MAD1L1: variants seen among roughly 807,000 people sequenced by gnomAD.
MAD1L1 encodes mitotic spindle assembly checkpoint protein MAD1.
In MAD1L1, 95 loss-of-function variants were observed where a neutral mutation model predicts 96.9. That is an observed-to-expected ratio of 0.98 (90% CI 0.83 to 1.16). MAD1L1 has a LOEUF of 1.16. Ranked by LOEUF, MAD1L1 falls within the 50% of genes most tolerant of loss-of-function variation. The pLI is 0.00. For synonymous variants in MAD1L1, 473 were observed against 396.6 expected (o/e 1.19, Z -2.29); for missense variants, 1,007 against 954.4 (o/e 1.06, Z -0.73).
At chr7:1,966,595 A>G (rs1780179023) in intron 15 of MAD1L1, among the ~76,000 whole-genome samples, 1 of 149,534 alleles carries the variant, frequency 6.7e-6, no homozygotes, top group Non-Finnish European at 1.5e-5. Context: ...ATCCCTAGAG[A>G]TTCAAGAAGC....
At chr7:2,056,070 G>A (rs956752914) in intron 12 of MAD1L1, among the ~76,000 whole-genome samples, 14 of 152,330 alleles carry the variant, frequency 9.2e-5, no homozygotes, top group South Asian at 8.3e-4. Context: ...CTTAAGCCTC[G>A]ACTTGCTGGG....
chr7:2,145,722 G>T (rs7811807), intron 11 of MAD1L1, among the ~76,000 whole-genome samples: 13,522 of 152,158 alleles, frequency 0.089, 1,161 homozygotes, highest in African/African-American at 0.22. Context: ...CTCCCTGGGC[G>T]GCCTTCCCTA....
At chr7:2,091,374 G>C (rs961343187) in intron 11 of MAD1L1, among the ~76,000 whole-genome samples, 9 of 152,182 alleles carry the variant, frequency 5.9e-5, no homozygotes, top group South Asian at 4.1e-4. Context: ...ATACACAGAC[G>C]CATCTGCCTG....
intron 11 of MAD1L1, among the ~76,000 whole-genome samples, chr7:2,070,706 T>C (rs1314302712): frequency 6.6e-6 from 1 of 152,082 alleles, no homozygotes; most frequent in Non-Finnish European, 1.5e-5. Context: ...AACACAGCAC[T>C]GGGATAGAGA....
intron 17 of MAD1L1, among the ~76,000 whole-genome samples, chr7:1,910,404 C>G (rs1169345624): frequency 6.6e-6 from 1 of 152,240 alleles, no homozygotes; most frequent in East Asian, 1.9e-4. Context: ...ACAGGGAGGG[C>G]TGGTCGCAGC....
chr7:1,910,981 G>A (rs76626455), intron 17 of MAD1L1, among the ~76,000 whole-genome samples: 2 of 151,662 alleles, frequency 1.3e-5, no homozygotes, highest in African/African-American at 4.8e-5. Flanking sequence ...GGCCCTGGCG[G>A]GGCCTGGTCT....
chr7:2,105,994 T>TACGGCCCCGCCCCTGCCCCACAC (rs1787072159), intron 11 of MAD1L1, among the ~76,000 whole-genome samples: 1 of 91,246 alleles, frequency 1.1e-5, no homozygotes, highest in African/African-American at 5.2e-5. Flanking sequence ...CTGCCCCACA[T>TACGGCCCCGCCCCTGCCCCACAC]ATGGCCCCGC....
At chr7:2,137,192 G>A (rs1788794810) in intron 11 of MAD1L1, among the ~76,000 whole-genome samples, 1 of 152,138 alleles carries the variant, frequency 6.6e-6, no homozygotes, top group African/African-American at 2.4e-5. Context: ...CCCCAGCAAG[G>A]GCCCTTCTCC....
intron 11 of MAD1L1, among the ~76,000 whole-genome samples, chr7:2,073,610 C>T (rs1008211413): frequency 3.3e-5 from 5 of 152,080 alleles, no homozygotes; most frequent in Admixed American, 2.6e-4. Flanking sequence ...TGTCAAGCAT[C>T]GAGCAGCTGA....
At chr7:2,122,005 G>A (rs1268115879) in intron 11 of MAD1L1, among the ~76,000 whole-genome samples, 1 of 152,230 alleles carries the variant, frequency 6.6e-6, no homozygotes, top group Non-Finnish European at 1.5e-5. Flanking sequence ...GTTAAAAGTA[G>A]CTTCTGGGGT....
chr7:2,138,389 T>C (rs1788861496), intron 11 of MAD1L1, among the ~76,000 whole-genome samples: 1 of 152,128 alleles, frequency 6.6e-6, no homozygotes, highest in Admixed American at 6.5e-5. Flanking sequence ...CTCAGCCTAA[T>C]GAAATGAGGC....
intron 10 of MAD1L1, among the ~76,000 whole-genome samples, chr7:2,156,970 T>A (rs1789880714): frequency 1.3e-5 from 2 of 152,166 alleles, no homozygotes; most frequent in Admixed American, 6.5e-5. Flanking sequence ...ACCACACGTG[T>A]GACAGAGAAA....
intron 10 of MAD1L1, among the ~76,000 whole-genome samples, chr7:2,198,353 T>G (rs1792101838): frequency 6.6e-6 from 1 of 152,118 alleles, no homozygotes; most frequent in African/African-American, 2.4e-5. Context: ...GAGCCCGCCT[T>G]TGCTTCTGCC....
intron 17 of MAD1L1, among the ~76,000 whole-genome samples, chr7:1,935,224 C>A (rs1288782679): frequency 6.6e-6 from 1 of 152,270 alleles, no homozygotes; most frequent in South Asian, 2.1e-4. Flanking sequence ...ATAACACCTG[C>A]AGAATGCAGG....
chr7:2,155,195 G>C (rs1012218895), intron 10 of MAD1L1, among the ~76,000 whole-genome samples: 1 of 152,118 alleles, frequency 6.6e-6, no homozygotes, highest in Admixed American at 6.5e-5. Context: ...CCTCAGGCCT[G>C]ACCTGCTGAC....
At chr7:2,101,317 T>G (rs112367223) in intron 11 of MAD1L1, among the ~76,000 whole-genome samples, 9 of 100,230 alleles carry the variant, frequency 9.0e-5, no homozygotes, top group South Asian at 3.7e-4. Flanking sequence ...GTGGGTGGCA[T>G]GAGACTGGGG....
intron 18 of MAD1L1, among the ~76,000 whole-genome samples, chr7:1,840,335 T>C (rs2128631995): frequency 6.6e-6 from 1 of 152,346 alleles, no homozygotes; most frequent in East Asian, 1.9e-4. Flanking sequence ...GCAGCCTTCC[T>C]TGACTGCAGT....
In MAD1L1 at chr7:2,228,614, A is replaced by C. The variant is rs1457754967; in HGVS notation, c.150+1370T>G. ...AACAACTACCATCTATTACCTTCAT[A>C]ATTTCACAAAAGAACATTTACATAA... On this transcript the variant is annotated intron_variant, in intron 3 of 18. Coordinates refer to ENST00000265854, the MANE Select transcript of MAD1L1 (RefSeq NM_001013836.2). Among the ~76,000 whole-genome samples the C allele has an allele frequency of 2.0e-5, 3 of 151,082 alleles. No homozygotes were observed. In the Admixed American group the frequency reaches 2.0e-4, roughly 10 times the overall value.
intron 13 of MAD1L1, among the ~76,000 whole-genome samples, chr7:2,002,700 C>G (rs1584044950): frequency 6.6e-6 from 1 of 152,178 alleles, no homozygotes; most frequent in Non-Finnish European, 1.5e-5. Flanking sequence ...GGTAGAAAAG[C>G]CAGCAATGAA....
Sources: gnomAD v4.1 joint callset for allele counts (sites outside exome capture counted in the v4.1 genomes callset) on GRCh38, gnomAD v4.1.1 for gene constraint, MANE v1.5 for transcripts, NCBI Gene and HGNC (gene_info 2026-07-23, HGNC 2026-07-21) for gene names.